ATP8B4: variants seen among roughly 807,000 people sequenced by gnomAD.
The protein encoded by ATP8B4 is ATPase phospholipid transporting 8B4 (putative), also known as probable phospholipid-transporting ATPase IM.
In ATP8B4, 133 loss-of-function variants were observed where a neutral mutation model predicts 145.6. That is an observed-to-expected ratio of 0.91 (90% CI 0.79 to 1.05). ATP8B4 has a LOEUF of 1.05. ATP8B4 is among the 50% of genes least tolerant of loss of function. The probability of loss-of-function intolerance (pLI) is 0.00; values close to 1 mark genes in which losing one functional copy is unlikely to be tolerated. For synonymous variants in ATP8B4, 507 were observed against 492.9 expected (o/e 1.03, Z -0.38); for missense variants, 1,458 against 1,425.2 (o/e 1.02, Z -0.37).
chr15:49,916,723 G>C (rs1163427771), intron 20 of ATP8B4, among the ~76,000 whole-genome samples: 1 of 152,158 alleles, frequency 6.6e-6, no homozygotes, highest in African/African-American at 2.4e-5. Flanking sequence ...AAATGTTGGA[G>C]GCCTGAAGAC....
intron 1 of ATP8B4, among the ~76,000 whole-genome samples, chr15:50,180,844 C>G (rs7176501): frequency 0.089 from 13,507 of 151,912 alleles, 792 homozygotes; most frequent in African/African-American, 0.15. Flanking sequence ...ACTAGGGATA[C>G]GAAAAGGAGG....
At chr15:49,912,557 T>C (rs1187610068) in intron 20 of ATP8B4, among the ~76,000 whole-genome samples, 3 of 152,044 alleles carry the variant, frequency 2.0e-5, no homozygotes, top group South Asian at 4.1e-4. Context: ...AAACCCAGAA[T>C]TGGATGACTT....
chr15:50,072,624 G>T (rs895276534), intron 3 of ATP8B4, among the ~76,000 whole-genome samples: 6 of 150,272 alleles, frequency 4.0e-5, no homozygotes, highest in African/African-American at 1.2e-4. Context: ...TTTATCTTTT[G>T]TTTTTTTTTC....
intron 26 of ATP8B4, among the ~76,000 whole-genome samples, chr15:49,863,701 C>T (rs1351730986): frequency 1.3e-5 from 2 of 152,164 alleles, no homozygotes; most frequent in Non-Finnish European, 1.5e-5. Flanking sequence ...ACAAACTTGA[C>T]TTAATCAATT....
At chr15:49,878,441 T>C (rs1485313877) in intron 24 of ATP8B4, among the ~76,000 whole-genome samples, 1 of 152,210 alleles carries the variant, frequency 6.6e-6, no homozygotes, top group Non-Finnish European at 1.5e-5. Context: ...TATTTTGCAA[T>C]AGACGGCTTT....
At chr15:50,099,261 A>G (rs1480831285) in intron 2 of ATP8B4, among the ~76,000 whole-genome samples, 1 of 152,146 alleles carries the variant, frequency 6.6e-6, no homozygotes, top group African/African-American at 2.4e-5. Flanking sequence ...GCGGAAAAGC[A>G]TGTGTACAAT....
chr15:50,063,683 T>C (rs1167642505), intron 3 of ATP8B4, among the ~76,000 whole-genome samples: 1 of 152,168 alleles, frequency 6.6e-6, no homozygotes, highest in Non-Finnish European at 1.5e-5. Flanking sequence ...GATGGTCAAA[T>C]AAATTCTAGA....
At chr15:49,923,748 C>T (rs1286697224) in intron 16 of ATP8B4, among the ~76,000 whole-genome samples, 1 of 152,172 alleles carries the variant, frequency 6.6e-6, no homozygotes, top group African/African-American at 2.4e-5. Context: ...TTCTGAAGCA[C>T]ATGACCTTCC....
At chr15:49,947,462 A>G (rs1599344085) in intron 14 of ATP8B4, among the ~76,000 whole-genome samples, 5 of 150,892 alleles carry the variant, frequency 3.3e-5, no homozygotes, top group Admixed American at 3.3e-4. Flanking sequence ...AAAAGAAAAC[A>G]TTGATGAAAG....
chr15:50,000,579 T>C (rs1364494350), intron 8 of ATP8B4, among the ~76,000 whole-genome samples: 1 of 152,172 alleles, frequency 6.6e-6, no homozygotes, highest in East Asian at 1.9e-4. Flanking sequence ...TAAGAAGTTT[T>C]TTTAAAATAT....
chr15:49,987,573 A>G (rs1260148723), intron 9 of ATP8B4, 24 bp from the exon 10 acceptor site: 4 of 1,604,148 alleles, frequency 2.5e-6, no homozygotes, highest in Admixed American at 3.4e-5. Flanking sequence ...AAACAAAACA[A>G]ACCTCTTTAT....
chr15:50,150,479 G>C (rs924717975), intron 1 of ATP8B4, among the ~76,000 whole-genome samples: 1 of 152,148 alleles, frequency 6.6e-6, no homozygotes, highest in Non-Finnish European at 1.5e-5. Context: ...GTTGGATTTT[G>C]ATGTCCCTCA....
At chr15:50,038,909 A>G in intron 5 of ATP8B4, 80 bp from the exon 6 acceptor site, 1 of 1,247,062 alleles carries the variant, frequency 8.0e-7, no homozygotes, top group South Asian at 1.2e-5. Context: ...CAATACTTTG[A>G]GTTCATCCAT....
intron 14 of ATP8B4, among the ~76,000 whole-genome samples, chr15:49,954,454 G>C (rs542060095): frequency 6.6e-6 from 1 of 151,998 alleles, no homozygotes; most frequent in Non-Finnish European, 1.5e-5. Flanking sequence ...ACTTAATATC[G>C]AGAATTGATA....
chr15:50,144,631 A>T (rs933854), intron 1 of ATP8B4, among the ~76,000 whole-genome samples: 34,516 of 152,198 alleles, frequency 0.23, 4,624 homozygotes, highest in East Asian at 0.41. Context: ...ATTACAATTC[A>T]AGATGAGATT....
At chr15:49,876,182 A>G in intron 25 of ATP8B4, 96 bp downstream of exon 25, 2 of 1,482,892 alleles carry the variant, frequency 1.3e-6, no homozygotes, top group Non-Finnish European at 1.8e-6. Flanking sequence ...TTCCTTTAGG[A>G]TTATTTCCCC....
intron 1 of ATP8B4, among the ~76,000 whole-genome samples, chr15:50,179,561 T>C (rs890802848): frequency 2.0e-5 from 3 of 152,238 alleles, no homozygotes; most frequent in Admixed American, 6.5e-5. Flanking sequence ...TTAATGTTCA[T>C]GTCCCCTACA....
chr15:50,020,727 T>G (rs1055259316), intron 6 of ATP8B4, among the ~76,000 whole-genome samples: 1 of 152,176 alleles, frequency 6.6e-6, no homozygotes, highest in Non-Finnish European at 1.5e-5. Context: ...CTAGGTTTCC[T>G]GATGCCTCTC....
chr15:50,132,017 C>T (rs1042181389), intron 1 of ATP8B4, among the ~76,000 whole-genome samples: 3 of 144,452 alleles, frequency 2.1e-5, no homozygotes, highest in African/African-American at 7.7e-5. Context: ...AAAGGTAATG[C>T]CAAAGGCCAT....
Sources: gnomAD v4.1 joint callset for allele counts (sites outside exome capture counted in the v4.1 genomes callset) on GRCh38, gnomAD v4.1.1 for gene constraint, MANE v1.5 for transcripts, NCBI Gene and HGNC (gene_info 2026-07-23, HGNC 2026-07-21) for gene names.